Variants in FARS2 observed in about 807,000 individuals in gnomAD.
FARS2 encodes the protein phenylalanine--tRNA ligase, mitochondrial.
FARS2 carries 40 observed loss-of-function variants against 46.4 expected under a neutral mutation model. The ratio of observed to expected loss-of-function variants is 0.86; its 90% CI spans 0.67 to 1.12. The LOEUF (loss-of-function observed/expected upper bound fraction) is 1.12, where lower values mean the gene tolerates loss of function less well. FARS2 is among the 50% of genes most tolerant of loss of function. FARS2 has a pLI of 0.00. For synonymous variants in FARS2, 234 were observed against 214.9 expected (o/e 1.09, Z -0.78); for missense variants, 513 against 567.9 (o/e 0.90, Z 0.98).
At chr6:5,419,867 T>C (rs575725943) in intron 3 of FARS2, among the ~76,000 whole-genome samples, 6 of 152,302 alleles carry the variant, frequency 3.9e-5, no homozygotes, top group African/African-American at 1.4e-4. Flanking sequence ...TTCTTGGTTG[T>C]GGACCCCAAG....
intron 6 of FARS2, among the ~76,000 whole-genome samples, chr6:5,725,817 C>A (rs1292980001): frequency 6.6e-6 from 1 of 152,166 alleles, no homozygotes; most frequent in Non-Finnish European, 1.5e-5. Context: ...CACCTGTAAT[C>A]CCAGCTACTC....
At chr6:5,756,171 C>CT (rs1185139058) in intron 6 of FARS2, among the ~76,000 whole-genome samples, 3 of 152,182 alleles carry the variant, frequency 2.0e-5, no homozygotes, top group African/African-American at 7.2e-5. Context: ...ATAATGGATA[C>CT]TTTCTCTGCT....
At chr6:5,489,922 G>A (rs919062522) in intron 4 of FARS2, among the ~76,000 whole-genome samples, 2 of 152,186 alleles carry the variant, frequency 1.3e-5, no homozygotes, top group East Asian at 1.9e-4. Flanking sequence ...TATTATTTAC[G>A]TAAAATAAAA....
intron 6 of FARS2, among the ~76,000 whole-genome samples, chr6:5,770,184 GT>G (rs1205637787): frequency 1.3e-5 from 2 of 152,210 alleles, no homozygotes; most frequent in Non-Finnish European, 2.9e-5. Flanking sequence ...ATATGTGGGA[GT>G]GGCCTAGGTC....
chr6:5,313,928 GAC>G (rs1769265721), intron 1 of FARS2, among the ~76,000 whole-genome samples: 1 of 152,110 alleles, frequency 6.6e-6, no homozygotes, highest in Admixed American at 6.5e-5. Context: ...CAGACATTGT[GAC>G]CTAATTGGTA....
In FARS2 at chr6:5,369,090, G is replaced by T. The variant is rs373413976; in HGVS notation, c.520G>T (p.Val174Leu). 1 of 1,613,818 alleles carries T rather than the reference G, an allele frequency of 6.2e-7. No homozygotes were observed. The highest frequency in any genetic ancestry group is 1.3e-5 in the African/African-American group (1 of 74,912). ...LHAGLDAFLV[V>L]GDVYRRDQID... is the part of the protein sequence containing the mutation. ...CGCGGGACTGGATGCCTTCCTGGTG[G>T]TGGGTGATGTCTACAGGCGTGACCA... The change falls in exon 2 of 7, where the codon GTG (valine) becomes TTG (leucine). Residue 174 changes from valine (V) to leucine (L), a missense_variant. Physicochemically the swap from Val to Leu is conservative, Grantham distance 32. Coordinates refer to ENST00000274680, the MANE Select transcript of FARS2 (RefSeq NM_006567.5).
intron 6 of FARS2, among the ~76,000 whole-genome samples, chr6:5,664,435 C>T (rs571369511): frequency 5.9e-5 from 9 of 152,194 alleles, no homozygotes; most frequent in Non-Finnish European, 1.0e-4. Flanking sequence ...ATGGATCCCT[C>T]GCCCAGAGTC....
chr6:5,729,382 G>A (rs1051712863), intron 6 of FARS2, among the ~76,000 whole-genome samples: 2 of 152,162 alleles, frequency 1.3e-5, no homozygotes, highest in African/African-American at 2.4e-5. Context: ...CTCAGAGCCT[G>A]CCCCTGGAAT....
chr6:5,425,723 A>G (rs1056754817), intron 3 of FARS2, among the ~76,000 whole-genome samples: 2 of 152,118 alleles, frequency 1.3e-5, no homozygotes, highest in Admixed American at 6.5e-5. Flanking sequence ...AGGTATTTCT[A>G]CTTATTTCTG....
intron 6 of FARS2, among the ~76,000 whole-genome samples, chr6:5,737,384 A>G (rs1408715197): frequency 6.6e-6 from 1 of 152,176 alleles, no homozygotes; most frequent in East Asian, 1.9e-4. Context: ...TACAAAAATT[A>G]ACTGTACGTG....
At chr6:5,582,247 G>A (rs1404602197) in intron 5 of FARS2, among the ~76,000 whole-genome samples, 22 of 134,002 alleles carry the variant, frequency 1.6e-4, no homozygotes, top group African/African-American at 4.2e-4. Flanking sequence ...TTCCTGATGC[G>A]CTTCTATAAA....
chr6:5,510,302 G>T (rs1768360443), intron 4 of FARS2, among the ~76,000 whole-genome samples: 1 of 152,148 alleles, frequency 6.6e-6, no homozygotes, highest in Non-Finnish European at 1.5e-5. Context: ...GACTCTGCCT[G>T]GGTCGACCCC....
At chr6:5,424,224 C>T (rs537365533) in intron 3 of FARS2, among the ~76,000 whole-genome samples, 4 of 152,254 alleles carry the variant, frequency 2.6e-5, no homozygotes, top group Admixed American at 1.3e-4. Flanking sequence ...ATGGCCTTGG[C>T]GCCTGTGGAA....
chr6:5,734,804 T>G (rs1029285373), intron 6 of FARS2, among the ~76,000 whole-genome samples: 2 of 152,074 alleles, frequency 1.3e-5, no homozygotes, highest in African/African-American at 2.4e-5. Context: ...GATTTGTAGA[T>G]AGATAGATAC....
rs766650673 is a variant in FARS2, at chr6:5,419,406, C to T, written c.773-11635C>T. Among the ~76,000 whole-genome samples, 75 of 152,160 alleles carry T rather than the reference C, an allele frequency of 4.9e-4. 1 individual carries two copies. Among genetic ancestry groups the T allele is most frequent in the Non-Finnish European group, 2.1e-4 (14 of 68,036 alleles). ...TTGTTCTGCTGGCTGTATTACTTAG[C>T]ATTAGATTTGTCCATATGTTTTAGA... On this transcript the variant is annotated intron_variant, in intron 3 of 6. Transcript: ENST00000274680.
At chr6:5,504,437 T>TAAAA (rs143444280) in intron 4 of FARS2, among the ~76,000 whole-genome samples, 7 of 126,446 alleles carry the variant, frequency 5.5e-5, no homozygotes, top group African/African-American at 8.9e-5. Context: ...TGCTTTCCAG[T>TAAAA]AAAAAAAAAA....
chr6:5,254,808 C>T, the FARS2 span, among the ~76,000 whole-genome samples: 693 of 152,310 alleles, frequency 4.5e-3, 2 homozygotes, highest in Non-Finnish European at 7.3e-3. Flanking sequence ...ACCAGCTGTG[C>T]TCTCAGGTAC....
intron 3 of FARS2, among the ~76,000 whole-genome samples, chr6:5,407,231 C>G (rs2432771): frequency 6.6e-6 from 1 of 151,364 alleles, no homozygotes; most frequent in African/African-American, 2.4e-5. Flanking sequence ...TCTGGCCTTA[C>G]GCAGGATTCA....
intron 6 of FARS2, among the ~76,000 whole-genome samples, chr6:5,686,566 T>TGTGGA (rs1757243575): frequency 6.6e-6 from 1 of 152,266 alleles, no homozygotes; most frequent in East Asian, 1.9e-4. Context: ...TATTCCATGG[T>TGTGGA]ATATATGTGC....
Sources: allele counts gnomAD v4.1 joint callset (sites outside exome capture counted in the v4.1 genomes callset), GRCh38; gene constraint gnomAD v4.1.1; transcripts MANE v1.5; gene names NCBI Gene and HGNC (gene_info 2026-07-23, HGNC 2026-07-21).